The following TANC1 variants were observed in gnomAD, a reference collection of about 807,000 sequenced individuals.
TANC1 encodes protein TANC1.
A neutral mutation model predicts 149.7 loss-of-function variants in TANC1; 77 were observed. That is an observed-to-expected ratio of 0.51 (90% CI 0.43 to 0.62). The LOEUF is 0.62. TANC1 is among the 20% of genes least tolerant of loss of function. The pLI, the probability that TANC1 is intolerant of heterozygous loss-of-function variation, is 0.00. For missense variants in TANC1, 1,985 were observed against 2,321.8 expected (o/e 0.85, Z 2.98); for synonymous variants, 854 against 925.0 (o/e 0.92, Z 1.39).
chr2:159,194,308 G>A lies in TANC1; in HGVS notation c.2794G>A (p.Val932Met). Residue 932 changes from valine to methionine, a missense_variant, in exon 17 of 27, where the codon GTG becomes ATG. Coordinates refer to ENST00000263635, the MANE Select transcript of TANC1 (RefSeq NM_033394.3). ...GGCCAACGTGAACTACAGGACAGAA[G>A]TGTTAAATAATGCCCCAATCCTGTG... ...GGANVNYRTEVLNNAPILCVQ... is the reference protein window; with the variant it reads ...GGANVNYRTEMLNNAPILCVQ... The A allele has an allele frequency of 3.7e-6, 6 of 1,614,270 alleles. No homozygotes were observed. Among genetic ancestry groups the A allele is most frequent in the Non-Finnish European group, 5.1e-6 (6 of 1,180,052 alleles).
intron 3 of TANC1, among the ~76,000 whole-genome samples, chr2:159,087,234 A>G (rs181022430): frequency 3.3e-5 from 5 of 152,246 alleles, no homozygotes; most frequent in Admixed American, 3.3e-4. Context: ...ACAGTTTCTT[A>G]TATTTTTTAA....
At chr2:159,039,713 A>C (rs1261414901) in intron 2 of TANC1, among the ~76,000 whole-genome samples, 1 of 152,152 alleles carries the variant, frequency 6.6e-6, no homozygotes, top group Non-Finnish European at 1.5e-5. Flanking sequence ...ATGGTCTGAG[A>C]GACGGTTTGT....
At chr2:159,051,649 GTT>G (rs34215875) in intron 2 of TANC1, among the ~76,000 whole-genome samples, 3 of 109,646 alleles carry the variant, frequency 2.7e-5, no homozygotes, top group African/African-American at 6.9e-5. Context: ...TTGAAGTGGT[GTT>G]TGTGTGTGTG....
At chr2:158,974,889 C>T (rs568744587) in intron 1 of TANC1, among the ~76,000 whole-genome samples, 2 of 151,110 alleles carry the variant, frequency 1.3e-5, no homozygotes, top group South Asian at 4.2e-4. Flanking sequence ...CACACCACCA[C>T]ACCCAGCTAA....
rs1172412620 is a variant in TANC1 at position 159,106,953 on chromosome 2, C to T, written c.259+9119C>T. Among the ~76,000 whole-genome samples, 3 of 152,182 alleles carry T rather than the reference C, an allele frequency of 2.0e-5. No homozygotes were observed. In the East Asian group the frequency reaches 5.8e-4, roughly 29 times the overall value. ...GATTCCTTATGAGATAAATGATTTA[C>T]AAGTATTTTCTTCCATTCTGAGGAT... On this transcript the variant is annotated intron_variant, in intron 4 of 26. Transcript: ENST00000263635.
At chr2:158,987,254 G>GGT (rs2149256386) in intron 1 of TANC1, among the ~76,000 whole-genome samples, 1 of 147,412 alleles carries the variant, frequency 6.8e-6, no homozygotes, top group South Asian at 2.1e-4. Context: ...GGCTGGGTAT[G>GGT]GTGGCTCATG....
intron 14 of TANC1, among the ~76,000 whole-genome samples, chr2:159,183,583 C>T (rs6753304): frequency 7.9e-5 from 12 of 151,736 alleles, no homozygotes; most frequent in African/African-American, 2.9e-4. Flanking sequence ...GGAGGAGGGT[C>T]CTGGATCCTT....
rs566280572 is a variant in TANC1, at chr2:159,105,329, ATT to A, written c.259+7497_259+7498del. Among the ~76,000 whole-genome samples the A allele has an allele frequency of 1.6e-4, 25 of 152,164 alleles. No individual in the cohort carries two copies. The East Asian group carries it at 4.8e-3, about 29-fold the overall frequency. On this transcript the variant is annotated intron_variant, in intron 4 of 26. Coordinates refer to ENST00000263635, the MANE Select transcript of TANC1 (RefSeq NM_033394.3). ...TTTTTAAAAAAATTAGCATGTTATA[ATT>A]TGTTTTCGCTATTCCTGGTGTGAAT...
At position 159,149,248 on chromosome 2, in the gene TANC1, C is replaced by T; in HGVS notation, c.471C>T (p.Thr157=). 1 of 1,614,196 alleles carries T rather than the reference C, an allele frequency of 6.2e-7. No individual in the cohort carries two copies. The highest frequency in any genetic ancestry group is 8.5e-7 in the Non-Finnish European group (1 of 1,180,034). Residue 157 remains threonine, a synonymous_variant, in exon 6 of 27, where the codon ACC becomes ACT. Transcript: ENST00000263635. ...GEGIPSATHI[T]IEDKNETMCT... is the part of the protein sequence containing the mutation. ...GGATCCCAAGTGCCACACACATAAC[C>T]ATTGAAGACAAAAATGAAACCATGG...
Position 159,178,726 on chromosome 2 carries a change from A to C in TANC1, c.2073A>C (p.Lys691Asn), listed in dbSNP as rs369542921. The C allele has an allele frequency of 3.5e-5, 57 of 1,614,060 alleles. No homozygotes were observed. The highest frequency in any genetic ancestry group is 8.3e-5 in the Admixed American group (5 of 60,002). ...NGKADATLIG[K>N]VSSHLVLRSL... ...AGGCCGATGCCACACTCATTGGAAA[A>C]GTGAGCAGCCACCTGGTGCTGCGGA... The change falls in exon 14 of 27, where the codon AAA (lysine) becomes AAC (asparagine). Residue 691 changes from lysine to asparagine, a missense_variant. This residue lies in a region of TANC1 where 508 missense variants were observed against 714.2 expected (regional missense o/e 0.71). Coordinates refer to ENST00000263635, the MANE Select transcript of TANC1 (RefSeq NM_033394.3).
chr2:159,110,422 G>A (rs1314326321), intron 4 of TANC1, among the ~76,000 whole-genome samples: 6 of 152,204 alleles, frequency 3.9e-5, no homozygotes, highest in African/African-American at 1.4e-4. Flanking sequence ...GGACTTCCCA[G>A]CCTCCAAACT....
intron 1 of TANC1, among the ~76,000 whole-genome samples, chr2:158,973,045 A>G (rs1307181700): frequency 1.3e-5 from 2 of 152,124 alleles, no homozygotes; most frequent in Admixed American, 6.5e-5. Flanking sequence ...TGTTGTCTTT[A>G]GGTTCCCCTG....
chr2:159,198,775 A>AT (rs200773021), intron 18 of TANC1, among the ~76,000 whole-genome samples, 200 bp from the exon 19 acceptor site: 22 of 151,588 alleles, frequency 1.5e-4, no homozygotes, highest in African/African-American at 4.3e-4. Flanking sequence ...ATTCACTGAG[A>AT]TTTTTTTTTA....
intron 3 of TANC1, among the ~76,000 whole-genome samples, chr2:159,081,675 A>G (rs2044287219): frequency 6.6e-6 from 1 of 152,030 alleles, no homozygotes. Context: ...AACTTTGCTT[A>G]TATGCTTTTT....
At chr2:159,125,417 A>G (rs945675628) in intron 4 of TANC1, among the ~76,000 whole-genome samples, 2 of 152,220 alleles carry the variant, frequency 1.3e-5, no homozygotes, top group African/African-American at 4.8e-5. Flanking sequence ...GTCCAGGCAC[A>G]TCTGGCTCTC....
rs561593872 is a variant in TANC1, at chr2:158,993,354, C to T, written c.-125-7726C>T. On this transcript the variant is annotated intron_variant, in intron 1 of 26. Coordinates refer to ENST00000263635, the MANE Select transcript of TANC1 (RefSeq NM_033394.3). ...CTTACTTGAGCCTCCTAGGCTCAAG[C>T]GATCCTTCCACCTCAGCCTCCTGAG... is the stretch of plus-strand genomic sequence containing the variant. Among the ~76,000 whole-genome samples the T allele has an allele frequency of 1.7e-4, 26 of 152,238 alleles. 1 individual carries two copies. The highest frequency in any genetic ancestry group is 8.5e-4 in the Admixed American group (13 of 15,300).
intron 19 of TANC1, among the ~76,000 whole-genome samples, chr2:159,207,710 A>C (rs2058709356): frequency 6.8e-6 from 1 of 148,072 alleles, no homozygotes; most frequent in South Asian, 2.1e-4. Context: ...AAAAAAAAAA[A>C]AAAAAAAAAA....
intron 4 of TANC1, among the ~76,000 whole-genome samples, chr2:159,135,317 G>A (rs1325028309): frequency 6.6e-6 from 1 of 152,252 alleles, no homozygotes; most frequent in East Asian, 1.9e-4. Context: ...TGTGGGCAAA[G>A]AACATTTTGT....
chr2:159,115,462 G>T (rs2048154299), intron 4 of TANC1, among the ~76,000 whole-genome samples: 2 of 152,132 alleles, frequency 1.3e-5, no homozygotes, highest in African/African-American at 2.4e-5. Flanking sequence ...TTTAGGTTGT[G>T]GTGACCTGTT....
Sources: gnomAD v4.1 joint callset for allele counts (sites outside exome capture counted in the v4.1 genomes callset) on GRCh38, gnomAD v4.1.1 for gene constraint, gnomAD v4.1.1 regional missense constraint, MANE v1.5 for transcripts, NCBI Gene and HGNC (gene_info 2026-07-23, HGNC 2026-07-21) for gene names.